MAST4: variants seen among roughly 807,000 people sequenced by gnomAD.
MAST4 encodes the protein microtubule-associated serine/threonine-protein kinase 4.
MAST4 carries 89 observed loss-of-function variants against 162.7 expected under a neutral mutation model. That is an observed-to-expected ratio of 0.55 (90% CI 0.46 to 0.65). The LOEUF (loss-of-function observed/expected upper bound fraction) is 0.65, where lower values mean the gene tolerates loss of function less well. Ranked by LOEUF, MAST4 falls within the 30% of genes least tolerant of loss-of-function variation. The pLI is 0.00. For synonymous variants in MAST4, 1,479 were observed against 1,361.1 expected, an observed-to-expected ratio of 1.09 and a Z score of -1.91; for missense variants, 3,153 against 3,374.0, an observed-to-expected ratio of 0.93 and a Z score of 1.62.
Position 67,036,167 on chromosome 5 carries a change from C to T in MAST4, c.675-18237C>T, listed in dbSNP as rs1266438662. ...GGAAAAAATACTTTTCATTCTCTTC[C>T]TGCAGAAAGAATACCACAAATTAGT... On this transcript the variant is annotated intron_variant, in intron 4 of 28. Transcript: ENST00000403625. Among the ~76,000 whole-genome samples the T allele has an allele frequency of 2.0e-5, 3 of 152,122 alleles. No homozygotes were observed. In the East Asian group the frequency reaches 5.8e-4, roughly 29 times the overall value.
chr5:66,780,066 T>G (rs996921292), intron 2 of MAST4, among the ~76,000 whole-genome samples: 1 of 152,166 alleles, frequency 6.6e-6, no homozygotes, highest in Admixed American at 6.5e-5. Flanking sequence ...GGTTAAACAT[T>G]GTGGTAAAAA....
At chr5:67,071,992 A>C (rs903083512) in intron 5 of MAST4, among the ~76,000 whole-genome samples, 1 of 152,216 alleles carries the variant, frequency 6.6e-6, no homozygotes, top group South Asian at 2.1e-4. Context: ...ACTTACTTTG[A>C]GGCATGGGGG....
At chr5:66,892,809 T>C (rs571341095) in intron 3 of MAST4, among the ~76,000 whole-genome samples, 4 of 152,184 alleles carry the variant, frequency 2.6e-5, no homozygotes, top group African/African-American at 7.2e-5. Flanking sequence ...GATTCCACTA[T>C]CTCATGGCTT....
At chr5:67,044,101 C>T (rs1757087093) in intron 4 of MAST4, among the ~76,000 whole-genome samples, 1 of 152,198 alleles carries the variant, frequency 6.6e-6, no homozygotes, top group African/African-American at 2.4e-5. Context: ...TAGGTAGCAT[C>T]AGCCCTTGGA....
chr5:67,017,609 T>TC (rs1753460008), intron 4 of MAST4, among the ~76,000 whole-genome samples: 1 of 149,972 alleles, frequency 6.7e-6, no homozygotes, highest in Admixed American at 6.6e-5. Flanking sequence ...TCTTTTCTTT[T>TC]TTTTTTTTTT....
At chr5:67,078,911 A>AATAAATATATATATATATATAATATATAT (rs1227485756) in intron 5 of MAST4, among the ~76,000 whole-genome samples, 1 of 38,110 alleles carries the variant, frequency 2.6e-5, no homozygotes, top group Non-Finnish European at 4.4e-5. Flanking sequence ...TTTTTATATA[A>AATAAATATATATATATATATAATATATAT]ATATATATAT....
At chr5:67,093,729 A>G (rs1764118127) in intron 6 of MAST4, 3 of 414,106 alleles carry the variant, frequency 7.2e-6, no homozygotes, top group Non-Finnish European at 1.0e-5. Context: ...ACTGAGGGGA[A>G]GGAGAGTTAA....
At chr5:66,618,041 G>C (rs76410499) in intron 1 of MAST4, among the ~76,000 whole-genome samples, 4,994 of 151,660 alleles carry the variant, frequency 0.033, 268 homozygotes, top group African/African-American at 0.11. Context: ...AATGGGGGGG[G>C]GGCCCTGATT....
At chr5:67,102,496 G>A (rs1268854470) in intron 8 of MAST4, 40 bp from the exon 9 acceptor site, 7 of 1,564,694 alleles carry the variant, frequency 4.5e-6, no homozygotes, top group African/African-American at 1.4e-5. Context: ...TTCATTTCAT[G>A]CTGTGGCAAG....
chr5:66,862,765 C>G (rs1018853331), intron 3 of MAST4, among the ~76,000 whole-genome samples: 1 of 152,158 alleles, frequency 6.6e-6, no homozygotes, highest in Admixed American at 6.5e-5. Flanking sequence ...TCAAATTGAA[C>G]TAGCTTTCAG....
At chr5:67,030,004 T>G (rs1755112895) in intron 4 of MAST4, among the ~76,000 whole-genome samples, 1 of 152,110 alleles carries the variant, frequency 6.6e-6, no homozygotes, top group African/African-American at 2.4e-5. Context: ...TTAATGAAAT[T>G]TTTTCAATTA....
At chr5:66,837,418 T>A (rs973879364) in intron 3 of MAST4, among the ~76,000 whole-genome samples, 12 of 152,116 alleles carry the variant, frequency 7.9e-5, no homozygotes, top group African/African-American at 7.2e-5. Flanking sequence ...ATAAGTGGGT[T>A]TTGGGTGCCT....
Position 67,165,801 on chromosome 5 carries a change from C to A in MAST4, c.6622C>A (p.Pro2208Thr), listed in dbSNP as rs745993098. 3.1e-6 allele frequency: 5 copies of A among 1,610,810 alleles called. No individual in the cohort carries two copies. The highest frequency in any genetic ancestry group is 2.2e-5 in the South Asian group (2 of 90,722). ...PDPGPPKTKHPDRSLSSQKPS... is the reference protein window; with the variant it reads ...PDPGPPKTKHTDRSLSSQKPS... Reference sequence around the variant, plus strand: ...CCCGGGCCCTCCAAAGACTAAGCACCCCGACCGGTCCCTCTCCTCTCAGAA... The same window carrying A: ...CCCGGGCCCTCCAAAGACTAAGCACACCGACCGGTCCCTCTCCTCTCAGAA... The change falls in exon 29 of 29, where the codon CCC (proline) becomes ACC (threonine). Residue 2208 changes from proline (P) to threonine (T), a missense_variant. By Grantham distance (38) the Pro-to-Thr change is conservative. Around this residue, in one of 7 missense-constraint regions of MAST4, gnomAD observed 1,644 missense variants for 1,495.0 expected, o/e 1.10. Transcript: ENST00000403625.
rs776307264 is a variant in MAST4 at position 66,869,627 on chromosome 5, G to T, written c.643-30324G>T. 1.7e-4 allele frequency among the ~76,000 whole-genome samples: 26 copies of T among 152,226 alleles called. 1 individual carries two copies. The highest frequency in any genetic ancestry group is 2.2e-4 in the Non-Finnish European group (15 of 68,044). Reference sequence around the variant, plus strand: ...GAAGCAGTGATTATGGGCAACTCAAGTGGGTGTGATTGATACATGTCTTAA... The same window carrying T: ...GAAGCAGTGATTATGGGCAACTCAATTGGGTGTGATTGATACATGTCTTAA... On this transcript the variant is annotated intron_variant, in intron 3 of 28. Coordinates refer to ENST00000403625, the MANE Select transcript of MAST4 (RefSeq NM_001164664.2).
At chr5:66,869,483 G>A (rs1028919855) in intron 3 of MAST4, among the ~76,000 whole-genome samples, 2 of 152,064 alleles carry the variant, frequency 1.3e-5, no homozygotes, top group African/African-American at 4.8e-5. Context: ...TTTTCCCAGA[G>A]AAGGTAGAGA....
chr5:66,949,894 T>G (rs983752016), intron 4 of MAST4, among the ~76,000 whole-genome samples: 12 of 152,172 alleles, frequency 7.9e-5, no homozygotes, highest in African/African-American at 2.7e-4. Flanking sequence ...TAAATAACTT[T>G]TTAAAAGAGG....
intron 19 of MAST4, among the ~76,000 whole-genome samples, chr5:67,139,558 T>C (rs779136536): frequency 6.6e-6 from 1 of 152,238 alleles, no homozygotes; most frequent in Non-Finnish European, 1.5e-5. Context: ...TTTCCTAGTC[T>C]ATGGAAATGG....
At chr5:67,123,245 C>A (rs1401291806) in intron 14 of MAST4, among the ~76,000 whole-genome samples, 2 of 152,218 alleles carry the variant, frequency 1.3e-5, no homozygotes, top group Non-Finnish European at 2.9e-5. Context: ...GAGCTGGGAA[C>A]TAACCCTGTC....
chr5:66,812,830 G>A (rs766990232), intron 3 of MAST4, among the ~76,000 whole-genome samples: 6 of 152,112 alleles, frequency 3.9e-5, no homozygotes, highest in African/African-American at 9.7e-5. Flanking sequence ...GCTCCCTTCC[G>A]TTCACATCTT....
Sources: allele counts gnomAD v4.1 joint callset (sites outside exome capture counted in the v4.1 genomes callset), GRCh38; gene constraint gnomAD v4.1.1; regional missense constraint gnomAD v4.1.1; transcripts MANE v1.5; gene names NCBI Gene and HGNC (gene_info 2026-07-23, HGNC 2026-07-21).